Variants in SDK1 observed in about 807,000 individuals in gnomAD.
SDK1 encodes the protein sidekick cell adhesion molecule 1, also known as protein sidekick-1.
Under a neutral mutation model 245.5 loss-of-function variants are expected in SDK1, and 157 were observed. That is an observed-to-expected ratio of 0.64 (90% CI 0.56 to 0.73). The LOEUF is 0.73. Among genes scored for constraint, SDK1 ranks in the 30% least tolerant of loss-of-function variants. SDK1 has a pLI of 0.00. For synonymous variants in SDK1, 1,647 were observed against 1,278.5 expected (o/e 1.29, Z -6.15); for missense variants, 3,583 against 3,002.3 (o/e 1.19, Z -4.52).
At chr7:4,129,003 G>A (rs1430377376) in intron 26 of SDK1, among the ~76,000 whole-genome samples, 32 of 135,810 alleles carry the variant, frequency 2.4e-4, no homozygotes, top group African/African-American at 8.6e-4. Flanking sequence ...GGGTGCCCTG[G>A]AGGAGAGCAC....
chr7:3,764,809 TG>T (rs2114993523), intron 4 of SDK1, among the ~76,000 whole-genome samples: 1 of 152,320 alleles, frequency 6.6e-6, no homozygotes, highest in East Asian at 1.9e-4. Flanking sequence ...TATTTTAATA[TG>T]TAAATTGAAT....
intron 1 of SDK1, among the ~76,000 whole-genome samples, chr7:3,302,714 C>A (rs1779310769): frequency 6.6e-6 from 1 of 151,942 alleles, no homozygotes; most frequent in African/African-American, 2.4e-5. Context: ...CCCCCTCAAC[C>A]CAGAAATAAC....
intron 1 of SDK1, among the ~76,000 whole-genome samples, chr7:3,316,736 G>A (rs1293066851): frequency 6.6e-6 from 1 of 152,118 alleles, no homozygotes; most frequent in Admixed American, 6.5e-5. Context: ...ACAAATCACT[G>A]CAGCGTGGAA....
At chr7:3,817,328 C>T (rs1318795338) in intron 4 of SDK1, among the ~76,000 whole-genome samples, 1 of 152,080 alleles carries the variant, frequency 6.6e-6, no homozygotes, top group Non-Finnish European at 1.5e-5. Flanking sequence ...GTAAGTACAC[C>T]CAATCGAAGC....
chr7:3,724,864 G>C (rs1427913705), intron 4 of SDK1, among the ~76,000 whole-genome samples: 2 of 152,230 alleles, frequency 1.3e-5, no homozygotes, highest in African/African-American at 4.8e-5. Context: ...CCACCGAAGA[G>C]AACTTGTCAC....
Position 4,074,890 on chromosome 7 carries a change from A to G in SDK1, c.3011-2108A>G, listed in dbSNP as rs1377832065. On this transcript the variant is annotated intron_variant, in intron 20 of 44. Coordinates refer to ENST00000404826, the MANE Select transcript of SDK1 (RefSeq NM_152744.4). ...TCTCTCTCTCTCTCTCTCTCTGTAT[A>G]TATATATATATATATATATATATAT... Among the ~76,000 whole-genome samples, 238 of 67,288 alleles carry G rather than the reference A, an allele frequency of 3.5e-3. 14 individuals are homozygous for G. The highest frequency in any genetic ancestry group is 0.026 in the African/African-American group (217 of 8,228). The allele number at this position is 67,288 out of a possible 152,430, so 44.1% of individuals were successfully genotyped here. A position where few individuals can be genotyped will look rare whatever the true frequency, so the allele number is the denominator to read the frequency against.
chr7:4,156,573 G>A lies in SDK1; in HGVS notation c.4626-1875G>A, dbSNP rs76962344. On this transcript the variant is annotated intron_variant, in intron 30 of 44. Coordinates refer to ENST00000404826, the MANE Select transcript of SDK1 (RefSeq NM_152744.4). Reference sequence around the variant, plus strand: ...GCAGTGGAAAAGCAGGCCTTGAGGTGTGAGCTGGTAGAGAAACAGTGTCAC... The same window carrying A: ...GCAGTGGAAAAGCAGGCCTTGAGGTATGAGCTGGTAGAGAAACAGTGTCAC... Among the ~76,000 whole-genome samples the A allele has an allele frequency of 2.4e-3, 365 of 152,342 alleles. 1 individual carries two copies. The highest frequency in any genetic ancestry group is 8.5e-3 in the African/African-American group (354 of 41,592).
chr7:4,243,386 C>T (rs1583162017), intron 43 of SDK1, among the ~76,000 whole-genome samples: 1 of 152,224 alleles, frequency 6.6e-6, no homozygotes, highest in East Asian at 1.9e-4. Flanking sequence ...AAGCCATCAC[C>T]TTTTCAGTCC....
intron 1 of SDK1, among the ~76,000 whole-genome samples, chr7:3,417,123 G>A (rs986388858): frequency 1.3e-5 from 2 of 152,170 alleles, no homozygotes; most frequent in African/African-American, 2.4e-5. Context: ...GCAGGGAGCC[G>A]AGACTGCGCC....
chr7:4,235,500 A>G (rs2128236543), intron 41 of SDK1, among the ~76,000 whole-genome samples: 1 of 152,274 alleles, frequency 6.6e-6, no homozygotes, highest in Middle Eastern at 3.4e-3. Context: ...ATTTAGAAAA[A>G]GCACAGATTT....
chr7:3,994,484 A>C (rs1294001374), intron 14 of SDK1, among the ~76,000 whole-genome samples: 1 of 151,998 alleles, frequency 6.6e-6, no homozygotes, highest in Non-Finnish European at 1.5e-5. Context: ...TCTACAAAAA[A>C]TTAAAAAATT....
chr7:3,954,885 T>C (rs867808967), intron 7 of SDK1, among the ~76,000 whole-genome samples: 2 of 152,052 alleles, frequency 1.3e-5, no homozygotes, highest in Admixed American at 6.5e-5. Context: ...TATTTACCAA[T>C]AATCAGTTAT....
chr7:3,522,544 C>T (rs968711089), intron 1 of SDK1, among the ~76,000 whole-genome samples: 3 of 151,998 alleles, frequency 2.0e-5, no homozygotes, highest in African/African-American at 7.3e-5. Context: ...GGTGCCCCTT[C>T]AGCTTATTAT....
At chr7:3,661,694 A>G (rs958107978) in intron 4 of SDK1, among the ~76,000 whole-genome samples, 1 of 152,210 alleles carries the variant, frequency 6.6e-6, no homozygotes, top group African/African-American at 2.4e-5. Flanking sequence ...TCAGGAATAT[A>G]TATGATTTGG....
intron 1 of SDK1, among the ~76,000 whole-genome samples, chr7:3,377,535 G>T (rs998538752): frequency 6.6e-6 from 1 of 152,068 alleles, no homozygotes; most frequent in South Asian, 2.1e-4. Context: ...AGGTGCAGCA[G>T]TGTACCCTGT....
Position 4,103,101 on chromosome 7 carries a change from C to T in SDK1, c.3325-7562C>T, listed in dbSNP as rs933452118. Among the ~76,000 whole-genome samples the T allele has an allele frequency of 2.6e-5, 4 of 151,628 alleles. No individual in the cohort carries two copies. The East Asian group carries it at 7.8e-4, about 29-fold the overall frequency. On this transcript the variant is annotated intron_variant, in intron 22 of 44. Transcript: ENST00000404826. ...CTGCAAGCTCCGCCTGCCGGGCTCACGCCATTCTCCTGCCTCAGCCTCCAG... is the reference window on the plus strand; with the variant it reads ...CTGCAAGCTCCGCCTGCCGGGCTCATGCCATTCTCCTGCCTCAGCCTCCAG...
At chr7:4,219,246 G>A (rs1462701674) in intron 38 of SDK1, among the ~76,000 whole-genome samples, 1 of 152,218 alleles carries the variant, frequency 6.6e-6, no homozygotes, top group Non-Finnish European at 1.5e-5. Context: ...ACCCAGGCAG[G>A]CTGCAGCCTC....
At position 4,265,183 on chromosome 7, in the gene SDK1, G is replaced by C. The variant is rs1289103815; in HGVS notation, c.6441G>C (p.Met2147Ile). Reference sequence around the variant, plus strand: ...AGCACTCCTTCGTGAACCACTACATGAGCGACCCCACCTACTACAACTCAT... The same window carrying C: ...AGCACTCCTTCGTGAACCACTACATCAGCGACCCCACCTACTACAACTCAT... ...LPKHSFVNHYMSDPTYYNSWK... is the reference protein window; with the variant it reads ...LPKHSFVNHYISDPTYYNSWK... The change falls in exon 45 of 45, where the codon ATG (methionine) becomes ATC (isoleucine). Residue 2147 changes from methionine (M) to isoleucine (I), a missense_variant. Met to Ile is a conservative substitution (Grantham distance 10). Transcript: ENST00000404826. 6 of 1,612,284 alleles carry C rather than the reference G, an allele frequency of 3.7e-6. No homozygotes were observed. The highest frequency in any genetic ancestry group is 2.2e-5 in the East Asian group (1 of 44,870).
intron 1 of SDK1, among the ~76,000 whole-genome samples, chr7:3,443,248 T>G (rs1322924256): frequency 6.6e-6 from 1 of 152,194 alleles, no homozygotes; most frequent in East Asian, 1.9e-4. Flanking sequence ...TTTATTTTAT[T>G]TAGCTACAAG....
Sources: gnomAD v4.1 joint callset for allele counts (sites outside exome capture counted in the v4.1 genomes callset) on GRCh38, gnomAD v4.1.1 for gene constraint, MANE v1.5 for transcripts, NCBI Gene and HGNC (gene_info 2026-07-23, HGNC 2026-07-21) for gene names.